The following STIM2 variants were observed in gnomAD, a reference collection of about 807,000 sequenced individuals.
STIM2 encodes the protein stromal interaction molecule 2.
Under a neutral mutation model 85.8 loss-of-function variants are expected in STIM2, and 31 were observed. That is an observed-to-expected ratio of 0.36 (90% CI 0.27 to 0.49). The LOEUF is 0.49. Ranked by LOEUF, STIM2 falls within the 20% of genes least tolerant of loss-of-function variation. The pLI is 0.98. For synonymous variants in STIM2, 356 were observed against 331.1 expected (o/e 1.08, Z -0.82); for missense variants, 841 against 927.6 (o/e 0.91, Z 1.21).
At chr4:27,004,593 C>G (rs1368049257) in intron 7 of STIM2, among the ~76,000 whole-genome samples, 1 of 152,098 alleles carries the variant, frequency 6.6e-6, no homozygotes, top group Non-Finnish European at 1.5e-5. Context: ...CAGGTGCCTG[C>G]CTCACAGTGA....
intron 2 of STIM2, among the ~76,000 whole-genome samples, chr4:26,937,928 T>C (rs1725452170): frequency 6.6e-6 from 1 of 152,204 alleles, no homozygotes; most frequent in African/African-American, 2.4e-5. Context: ...TCTACTAACA[T>C]GACGGAAACA....
At chr4:26,970,247 GTA>G (rs1420457972) in intron 3 of STIM2, among the ~76,000 whole-genome samples, 3 of 24,378 alleles carry the variant, frequency 1.2e-4, no homozygotes, top group African/African-American at 1.7e-4. Flanking sequence ...ATATATATAT[GTA>G]TGTATTTTTT....
At chr4:26,984,523 G>A (rs965807604) in intron 3 of STIM2, among the ~76,000 whole-genome samples, 1 of 152,168 alleles carries the variant, frequency 6.6e-6, no homozygotes, top group Non-Finnish European at 1.5e-5. Flanking sequence ...ACCACACCTG[G>A]CTAATTTTGT....
intron 1 of STIM2, among the ~76,000 whole-genome samples, chr4:26,877,556 G>A (rs1722858258): frequency 6.9e-6 from 1 of 145,772 alleles, no homozygotes; most frequent in African/African-American, 2.5e-5. Context: ...CATACTTTTT[G>A]AATGATAGAA....
intron 1 of STIM2, among the ~76,000 whole-genome samples, chr4:26,918,605 T>C (rs1052842897): frequency 6.6e-6 from 1 of 152,158 alleles, no homozygotes; most frequent in African/African-American, 2.4e-5. Flanking sequence ...AGTGACTTGA[T>C]AGAAGAGAAG....
At chr4:26,950,163 A>G (rs1725992106) in intron 2 of STIM2, among the ~76,000 whole-genome samples, 1 of 152,208 alleles carries the variant, frequency 6.6e-6, no homozygotes, top group African/African-American at 2.4e-5. Flanking sequence ...TCTAGTATCA[A>G]AAAGAACCAG....
intron 2 of STIM2, among the ~76,000 whole-genome samples, chr4:26,942,310 T>TCTCCTCAGCAACCATATTTTCCC (rs1244347613): frequency 6.6e-6 from 1 of 152,154 alleles, no homozygotes; most frequent in Non-Finnish European, 1.5e-5. Flanking sequence ...GCAATTTTTC[T>TCTCCTCAGCAACCATATTTTCCC]CTCCTCAGCA....
At chr4:26,947,964 A>G (rs542211931) in intron 2 of STIM2, among the ~76,000 whole-genome samples, 3 of 152,332 alleles carry the variant, frequency 2.0e-5, no homozygotes, top group South Asian at 2.1e-4. Context: ...ATAATCAGGA[A>G]AATTTTTACA....
chr4:26,990,360 A>G (rs1461328234), intron 3 of STIM2, among the ~76,000 whole-genome samples: 1 of 152,184 alleles, frequency 6.6e-6, no homozygotes, highest in Non-Finnish European at 1.5e-5. Flanking sequence ...TGGGGAAGGA[A>G]TGGTCTGTTT....
At chr4:26,950,596 T>TA (rs1166385436) in intron 2 of STIM2, among the ~76,000 whole-genome samples, 2 of 152,164 alleles carry the variant, frequency 1.3e-5, no homozygotes, top group African/African-American at 4.8e-5. Context: ...TAGGATGTAG[T>TA]AACAAGGCAC....
intron 10 of STIM2, among the ~76,000 whole-genome samples, chr4:27,009,524 C>T (rs911507360): frequency 2.0e-5 from 3 of 152,180 alleles, no homozygotes; most frequent in African/African-American, 7.2e-5. Flanking sequence ...GATTTGAATC[C>T]TAGCTCTACC....
At chr4:26,885,851 A>ATATATATATATATATATATATATG (rs1723212214) in intron 1 of STIM2, among the ~76,000 whole-genome samples, 1 of 47,012 alleles carries the variant, frequency 2.1e-5, no homozygotes, top group African/African-American at 9.1e-5. Context: ...ATATATATAT[A>ATATATATATATATATATATATATG]TATATATATA....
At chr4:26,862,212 GCCTTCCGGT>G (rs1722239244) in intron 1 of STIM2, among the ~76,000 whole-genome samples, 1 of 151,954 alleles carries the variant, frequency 6.6e-6, no homozygotes, top group South Asian at 2.1e-4. Flanking sequence ...CCTTTTTAAA[GCCTTCCGGT>G]GTTATGTACA....
chr4:26,893,991 C>T (rs1394859983), intron 1 of STIM2, among the ~76,000 whole-genome samples: 1 of 152,020 alleles, frequency 6.6e-6, no homozygotes, highest in East Asian at 1.9e-4. Context: ...CGGGTTCAAG[C>T]GATTCTCCTT....
intron 2 of STIM2, among the ~76,000 whole-genome samples, chr4:26,951,549 C>T (rs907233344): frequency 3.3e-5 from 5 of 152,068 alleles, no homozygotes; most frequent in Non-Finnish European, 7.4e-5. Flanking sequence ...ATCTTGAAAA[C>T]TGTTGTTTGT....
At chr4:26,952,821 T>A (rs1680516759) in intron 2 of STIM2, among the ~76,000 whole-genome samples, 1 of 152,132 alleles carries the variant, frequency 6.6e-6, no homozygotes, top group Admixed American at 6.6e-5. Flanking sequence ...AACTTAGACT[T>A]TAGAATTCTT....
At chr4:26,961,316 C>T (rs528407653) in intron 3 of STIM2, among the ~76,000 whole-genome samples, 1 of 152,260 alleles carries the variant, frequency 6.6e-6, no homozygotes, top group East Asian at 1.9e-4. Context: ...AGTTAGTACA[C>T]CTTGCATCCA....
At chr4:27,013,974 C>A (rs1182083486) in intron 10 of STIM2, among the ~76,000 whole-genome samples, 1 of 151,226 alleles carries the variant, frequency 6.6e-6, no homozygotes, top group Non-Finnish European at 1.5e-5. Flanking sequence ...TTACATGTTT[C>A]TAGAATATTG....
chr4:26,990,210 A>G (rs1332620164), intron 3 of STIM2, among the ~76,000 whole-genome samples: 2 of 152,210 alleles, frequency 1.3e-5, no homozygotes, highest in African/African-American at 2.4e-5. Flanking sequence ...AAATTATATT[A>G]CAAAGCTATA....
Sources: gnomAD v4.1 joint callset for allele counts (sites outside exome capture counted in the v4.1 genomes callset) on GRCh38, gnomAD v4.1.1 for gene constraint, MANE v1.5 for transcripts, NCBI Gene and HGNC (gene_info 2026-07-23, HGNC 2026-07-21) for gene names.